Variants in SIAH1 observed in about 807,000 individuals in gnomAD.
SIAH1 encodes E3 ubiquitin-protein ligase SIAH1.
In SIAH1, 2 loss-of-function variants were observed where a neutral mutation model predicts 20.0. That is an observed-to-expected ratio of 0.10 (90% CI 0.04 to 0.31). The LOEUF is 0.31. Among genes scored for constraint, SIAH1 ranks in the 10% least tolerant of loss-of-function variants. The probability of loss-of-function intolerance (pLI) is 1.00; values close to 1 mark genes in which losing one functional copy is unlikely to be tolerated. For synonymous variants in SIAH1, 118 were observed against 125.3 expected (o/e 0.94, Z 0.39); for missense variants, 119 against 355.3 (o/e 0.33, Z 5.35).
intron 1 of SIAH1, among the ~76,000 whole-genome samples, chr16:48,382,852 A>G (rs1426091053): frequency 1.3e-5 from 2 of 152,208 alleles, no homozygotes; most frequent in South Asian, 4.1e-4. Flanking sequence ...AACTCTGTAA[A>G]TTACTAAACT....
chr16:48,363,878 T>TG (rs1341392694), intron 1 of SIAH1: 1 of 159,822 alleles, frequency 6.3e-6, no homozygotes, highest in Non-Finnish European at 1.5e-5. Context: ...GTCTTGGGGG[T>TG]GAAAAAAAAG....
chr16:48,360,854 TTTGA>T lies in SIAH1; in HGVS notation c.*722_*725del, dbSNP rs1960556077. 6.6e-6 allele frequency: 1 copy of T among 152,240 alleles called. No homozygotes were observed. Among genetic ancestry groups the T allele is most frequent in the South Asian group, 2.1e-4 (1 of 4,834 alleles). The allele number at this position is 152,240 out of a possible 1,614,324, so 9.4% of individuals were successfully genotyped here. On this transcript the variant is annotated 3_prime_UTR_variant, in exon 2 of 2. Transcript: ENST00000394725. ...CACCTTATAGATGCTTTAAATAGCT[TTTGA>T]TTATTTTTCCGATGTCACCTTTACT...
At chr16:48,370,659 AGCCAGGCGCGGTGGCGGGC>A (rs1960960279) in intron 1 of SIAH1, among the ~76,000 whole-genome samples, 1 of 152,002 alleles carries the variant, frequency 6.6e-6, no homozygotes, top group Non-Finnish European at 1.5e-5. Flanking sequence ...ACAAAAAATT[AGCCAGGCGCGGTGGCGGGC>A]GCCTGTAGTC....
chr16:48,385,705 A>C (rs904752310), upstream of SIAH1, among the ~76,000 whole-genome samples: 8 of 152,014 alleles, frequency 5.3e-5, no homozygotes, highest in Non-Finnish European at 8.8e-5. Context: ...CCGTCGGCTC[A>C]GGGCAGCTCC....
intron 1 of SIAH1, among the ~76,000 whole-genome samples, chr16:48,375,669 G>C (rs1338633736): frequency 6.6e-6 from 1 of 151,950 alleles, no homozygotes; most frequent in African/African-American, 2.4e-5. Flanking sequence ...AAACAAATTG[G>C]GGGGAGAAAA....
intron 1 of SIAH1, among the ~76,000 whole-genome samples, chr16:48,374,125 A>G (rs1176407710): frequency 6.6e-6 from 1 of 152,184 alleles, no homozygotes; most frequent in Non-Finnish European, 1.5e-5. Flanking sequence ...CAAAGAATGT[A>G]TTATCTTCTA....
chr16:48,374,745 G>T (rs1644890379), intron 1 of SIAH1, among the ~76,000 whole-genome samples: 1 of 152,106 alleles, frequency 6.6e-6, no homozygotes. Context: ...GAAGAAAAAA[G>T]ATATTACCTA....
rs561694515 is a variant in SIAH1, at chr16:48,376,683, TAAC to T, written c.-3+8518_-3+8520del. On this transcript the variant is annotated intron_variant, in intron 1 of 1. Coordinates refer to ENST00000394725, the MANE Select transcript of SIAH1 (RefSeq NM_003031.4). ...AAAATATCTTAAACATTTTAAAAGT[TAAC>T]AAAATTTATGATAGCCCCCCTCCCC... 2.2e-4 allele frequency among the ~76,000 whole-genome samples: 33 copies of T among 152,128 alleles called. 1 individual carries two copies. In the East Asian group the frequency reaches 6.4e-3, roughly 29 times the overall value.
chr16:48,385,263 C>G lies in SIAH1; in HGVS notation c.-62G>C. The G allele has an allele frequency of 3.2e-6, 1 of 317,368 alleles. No individual in the cohort carries two copies. The highest frequency in any genetic ancestry group is 6.7e-6 in the Non-Finnish European group (1 of 149,424). The allele number at this position is 317,368 out of a possible 1,614,324, so 19.7% of individuals were successfully genotyped here. On this transcript the variant is annotated 5_prime_UTR_variant, in exon 1 of 2. Transcript: ENST00000394725. ...TGGCACCAACGCGCTCCGTCGCCAA[C>G]CCCCGCCACCGCGGGCAGCGCCACC...
intron 1 of SIAH1, chr16:48,363,044 A>C (rs1293703806): frequency 6.0e-6 from 1 of 167,032 alleles, no homozygotes; most frequent in African/African-American, 2.4e-5. Context: ...GAGATCACTT[A>C]AATTATACAA....
chr16:48,383,948 C>T (rs1961363292), intron 1 of SIAH1, among the ~76,000 whole-genome samples: 1 of 152,214 alleles, frequency 6.6e-6, no homozygotes, highest in African/African-American at 2.4e-5. Context: ...GCTGCCACTG[C>T]TTTCAGTCCA....
At chr16:48,365,620 G>C in intron 1 of SIAH1, 2 of 1,441,256 alleles carry the variant, frequency 1.4e-6, no homozygotes. Context: ...AGAAGCACCA[G>C]TTACAGAGGT....
At chr16:48,372,776 TCAATTTCATAA>T (rs991420061) in intron 1 of SIAH1, among the ~76,000 whole-genome samples, 4 of 152,170 alleles carry the variant, frequency 2.6e-5, no homozygotes, top group Admixed American at 2.0e-4. Context: ...CCGGTAACAG[TCAATTTCATAA>T]CCGTAAGTCA....
At chr16:48,365,426 A>G (rs765979614) in intron 1 of SIAH1, 3 of 1,614,054 alleles carry the variant, frequency 1.9e-6, no homozygotes, top group Admixed American at 1.7e-5. Flanking sequence ...AAACATGTGA[A>G]CAAGACTCCC....
intron 1 of SIAH1, among the ~76,000 whole-genome samples, chr16:48,378,518 A>G (rs988868144): frequency 5.9e-5 from 9 of 152,238 alleles, no homozygotes; most frequent in Non-Finnish European, 1.2e-4. Flanking sequence ...AGGTGGTTAC[A>G]ATAGCGTTCC....
rs1960823230 is a variant in SIAH1, at chr16:48,365,984, AG to A, written c.-2-3555del. ...CAACCCGGGGCGCCAGGGCCAGTTC[AG>A]GGCGCGCGGCGCACAGGGCGATGCC... On this transcript the variant is annotated intron_variant, in intron 1 of 1. Transcript: ENST00000394725. The A allele has an allele frequency of 2.9e-6, 3 of 1,022,870 alleles. No homozygotes were observed. In the African/African-American group the frequency reaches 5.0e-5, roughly 17 times the overall value. The allele number at this position is 1,022,870 out of a possible 1,614,324, so 63.4% of individuals were successfully genotyped here.
chr16:48,387,041 G>A (rs547833948), upstream of SIAH1: 7 of 152,378 alleles, frequency 4.6e-5, 1 homozygote, highest in African/African-American at 1.7e-4. Flanking sequence ...ACTGCTGACA[G>A]TCGAGGACTT....
Position 48,360,586 on chromosome 16 carries a change from T to G in SIAH1, c.*994A>C, listed in dbSNP as rs1289935416. ...GAGAATTATAAAAGACCAAAAACAT[T>G]TTTTGCAAACTGCCTTTTTAAACAA... is the stretch of plus-strand genomic sequence containing the variant. On this transcript the variant is annotated 3_prime_UTR_variant, in exon 2 of 2. Coordinates refer to ENST00000394725, the MANE Select transcript of SIAH1 (RefSeq NM_003031.4). The G allele has an allele frequency of 6.6e-6, 1 of 152,610 alleles. No individual in the cohort carries two copies. Among genetic ancestry groups the G allele is most frequent in the African/African-American group, 2.4e-5 (1 of 41,438 alleles). The allele number at this position is 152,610 out of a possible 1,614,324, so 9.5% of individuals were successfully genotyped here.
At chr16:48,380,317 C>G (rs1448638014) in intron 1 of SIAH1, among the ~76,000 whole-genome samples, 1 of 151,898 alleles carries the variant, frequency 6.6e-6, no homozygotes, top group East Asian at 1.9e-4. Flanking sequence ...GCTCGTTCCT[C>G]TAATCTCAGC....
Sources: allele counts gnomAD v4.1 joint callset (sites outside exome capture counted in the v4.1 genomes callset), GRCh38; gene constraint gnomAD v4.1.1; transcripts MANE v1.5; gene names NCBI Gene and HGNC (gene_info 2026-07-23, HGNC 2026-07-21).